The following RAB5A variants were observed in gnomAD, a reference collection of about 807,000 sequenced individuals.
The protein encoded by RAB5A is RAB5A, member RAS oncogene family.
RAB5A carries 8 observed loss-of-function variants against 25.7 expected under a neutral mutation model. The ratio of observed to expected loss-of-function variants is 0.31; its 90% CI spans 0.18 to 0.56. The LOEUF (loss-of-function observed/expected upper bound fraction) is 0.56, where lower values mean the gene tolerates loss of function less well. RAB5A is among the 20% of genes least tolerant of loss of function. The pLI is 0.91. For missense variants in RAB5A, 192 were observed against 259.7 expected (o/e 0.74, Z 1.79); for synonymous variants, 98 against 89.8 (o/e 1.09, Z -0.52).
At position 19,984,390 on chromosome 3, in the gene RAB5A, G is replaced by A; in HGVS notation, c.*567G>A. 1 of 278,562 alleles carries A rather than the reference G, an allele frequency of 3.6e-6. No homozygotes were observed. The highest frequency in any genetic ancestry group is 7.1e-6 in the Non-Finnish European group (1 of 141,334). The allele number at this position is 278,562 out of a possible 1,614,324, so 17.3% of individuals were successfully genotyped here. On this transcript the variant is annotated 3_prime_UTR_variant, in exon 6 of 6. Transcript: ENST00000273047. ...GTCAGGGGTGGGGAAGAGTATTAAT[G>A]GTATCTTAATTATACCCAGTCTGGT...
intron 2 of RAB5A, 148 bp downstream of exon 2, chr3:19,951,209 G>T: frequency 1.2e-6 from 1 of 826,788 alleles, no homozygotes; most frequent in Non-Finnish European, 1.8e-6. Context: ...TTTAAAACTT[G>T]CCTTTATCTT....
chr3:19,971,235 A>T, intron 2 of RAB5A, among the ~76,000 whole-genome samples: 1 of 151,256 alleles, frequency 6.6e-6, no homozygotes, highest in Non-Finnish European at 1.5e-5. Flanking sequence ...AGTATTTTAA[A>T]ACTTTAGGAC....
At chr3:19,970,326 T>G (rs559265147) in intron 2 of RAB5A, among the ~76,000 whole-genome samples, 1 of 152,362 alleles carries the variant, frequency 6.6e-6, no homozygotes, top group African/African-American at 2.4e-5. Flanking sequence ...AATAGGCCTT[T>G]GGTATTTGCA....
intron 3 of RAB5A, 21 bp downstream of exon 3, chr3:19,975,773 C>T (rs1349588927): frequency 1.3e-6 from 2 of 1,578,772 alleles, no homozygotes; most frequent in African/African-American, 2.7e-5. Context: ...ATGCATTCCA[C>T]AGTAAAACTA....
chr3:19,971,474 GGTGGTT>G (rs1169506243), intron 2 of RAB5A, among the ~76,000 whole-genome samples: 2 of 151,788 alleles, frequency 1.3e-5, no homozygotes. Context: ...TGGTGGTGGT[GGTGGTT>G]GTTGTTTTGA....
intron 2 of RAB5A, among the ~76,000 whole-genome samples, chr3:19,957,949 A>G (rs932122616): frequency 2.6e-5 from 4 of 152,196 alleles, no homozygotes; most frequent in African/African-American, 9.7e-5. Context: ...TTTAAATCCA[A>G]ATAACTCATG....
At chr3:19,982,551 T>G (rs770187787) in intron 5 of RAB5A, among the ~76,000 whole-genome samples, 1 of 152,264 alleles carries the variant, frequency 6.6e-6, no homozygotes, top group Non-Finnish European at 1.5e-5. Context: ...TGTAAGTTTC[T>G]CTTTTAAAAA....
intron 2 of RAB5A, among the ~76,000 whole-genome samples, chr3:19,951,701 G>GTTGTTTTTTTTTTTT (rs1696425159): frequency 2.0e-5 from 2 of 99,014 alleles, no homozygotes; most frequent in Non-Finnish European, 4.0e-5. Flanking sequence ...TGCCAGGCAA[G>GTTGTTTTTTTTTTTT]TTTTTTTTTT....
intron 2 of RAB5A, among the ~76,000 whole-genome samples, chr3:19,972,223 A>G (rs1405876918): frequency 6.6e-6 from 1 of 152,208 alleles, no homozygotes; most frequent in African/African-American, 2.4e-5. Context: ...AACGAATTTC[A>G]TGTTTTGACT....
At chr3:19,968,946 A>G (rs995178018) in intron 2 of RAB5A, among the ~76,000 whole-genome samples, 2 of 151,750 alleles carry the variant, frequency 1.3e-5, no homozygotes, top group African/African-American at 4.8e-5. Context: ...CCTTTGCTAC[A>G]TGTTGCCAAA....
chr3:19,954,350 T>C (rs190726484), intron 2 of RAB5A, among the ~76,000 whole-genome samples: 35 of 152,280 alleles, frequency 2.3e-4, no homozygotes, highest in Non-Finnish European at 1.0e-4. Flanking sequence ...TGTTTATATC[T>C]CCTAACATGA....
At chr3:19,954,227 C>A (rs568261947) in intron 2 of RAB5A, among the ~76,000 whole-genome samples, 1 of 152,084 alleles carries the variant, frequency 6.6e-6, no homozygotes, top group East Asian at 1.9e-4. Flanking sequence ...CTTGGCCAGG[C>A]TGGTCTCAGA....
rs764547158 is a variant in RAB5A, at chr3:19,950,931, G to T, written c.33G>T (p.Gly11=). MASRGATRPN[G]PNTGNKICQF... ...GTCGAGGCGCAACAAGACCCAACGG[G>T]CCAAATACGGGAAATAAAATATGCC... is the stretch of plus-strand genomic sequence containing the variant. Residue 11 remains glycine, a synonymous_variant, in exon 2 of 6, where the codon GGG becomes GGT. Transcript: ENST00000273047. The T allele has an allele frequency of 1.2e-6, 2 of 1,613,416 alleles. No homozygotes were observed. Among genetic ancestry groups the T allele is most frequent in the South Asian group, 1.1e-5 (1 of 91,020 alleles).
At chr3:19,950,775 G>A (rs1277287729) in intron 1 of RAB5A, 31 bp from the exon 2 acceptor site, 1 of 959,128 alleles carries the variant, frequency 1.0e-6, no homozygotes, top group Non-Finnish European at 1.5e-6. Flanking sequence ...TTACTGATTT[G>A]TATATTTAAT....
rs754126167 is a variant in RAB5A, at chr3:19,976,199, G to A, written c.438+30G>A. 6 of 1,589,172 alleles carry A rather than the reference G, an allele frequency of 3.8e-6. No individual in the cohort carries two copies. The South Asian group carries it at 4.6e-5, about 12-fold the overall frequency. On this transcript the variant is annotated intron_variant, in intron 4 of 5. Coordinates refer to ENST00000273047, the MANE Select transcript of RAB5A (RefSeq NM_004162.5). ...GTTAAATTTAACTCTCATTTGAAAG[G>A]CACTTTTTTCCTGTATGTTTTTCTT...
At chr3:19,979,950 T>C (rs1418311985) in intron 5 of RAB5A, 1 of 152,208 alleles carries the variant, frequency 6.6e-6, no homozygotes. Flanking sequence ...CAGAGAATAA[T>C]GAAAACCCAG....
chr3:19,978,227 C>T (rs932980423), intron 4 of RAB5A, 83 bp from the exon 5 acceptor site: 2 of 906,776 alleles, frequency 2.2e-6, no homozygotes, highest in African/African-American at 3.3e-5. Context: ...AGAAAGTCTC[C>T]TTTTCTATAA....
At chr3:19,982,763 T>TAAAA (rs62910362) in intron 5 of RAB5A, among the ~76,000 whole-genome samples, 5 of 139,874 alleles carry the variant, frequency 3.6e-5, no homozygotes, top group Non-Finnish European at 7.9e-5. Flanking sequence ...CCTTGTCTCT[T>TAAAA]AAAAAAAAAA....
chr3:19,958,562 G>GGC (rs1205690121), intron 2 of RAB5A, among the ~76,000 whole-genome samples: 1 of 152,152 alleles, frequency 6.6e-6, no homozygotes, highest in Non-Finnish European at 1.5e-5. Flanking sequence ...GATTCTTGTA[G>GGC]GCCAGGTGTG....
Sources: allele counts gnomAD v4.1 joint callset (sites outside exome capture counted in the v4.1 genomes callset), GRCh38; gene constraint gnomAD v4.1.1; transcripts MANE v1.5; gene names NCBI Gene and HGNC (gene_info 2026-07-23, HGNC 2026-07-21).